The following WWOX variants were observed in gnomAD, a reference collection of about 807,000 sequenced individuals.
WWOX encodes WW domain-containing oxidoreductase.
In WWOX, 69 loss-of-function variants were observed where a neutral mutation model predicts 46.2. The observed-to-expected ratio is 1.49, with a 90% confidence interval of 1.23 to 1.82. The LOEUF (loss-of-function observed/expected upper bound fraction) is 1.82, where lower values mean the gene tolerates loss of function less well. Ranked by LOEUF, WWOX falls within the 40% of genes most tolerant of loss-of-function variation. The pLI is 0.00. For missense variants in WWOX, 919 were observed against 542.6 expected, an observed-to-expected ratio of 1.69 and a Z score of -6.89; for synonymous variants, 359 against 202.6, an observed-to-expected ratio of 1.77 and a Z score of -6.56.
intron 8 of WWOX, among the ~76,000 whole-genome samples, chr16:78,968,059 C>T (rs1177977969): frequency 1.3e-5 from 2 of 152,050 alleles, no homozygotes; most frequent in Non-Finnish European, 2.9e-5. Context: ...CTGCATGGCA[C>T]AGTGTGTGGT....
chr16:79,001,965 A>G (rs1309460762), intron 8 of WWOX, among the ~76,000 whole-genome samples: 1 of 152,170 alleles, frequency 6.6e-6, no homozygotes, highest in Non-Finnish European at 1.5e-5. Flanking sequence ...CTTTTATTAA[A>G]TAGAAGAAAA....
At chr16:78,649,285 T>G (rs1249187750) in intron 8 of WWOX, among the ~76,000 whole-genome samples, 1 of 150,602 alleles carries the variant, frequency 6.6e-6, no homozygotes, top group Non-Finnish European at 1.5e-5. Context: ...GTGACTGACC[T>G]GTTTTTAATT....
At chr16:78,579,945 G>T (rs958254407) in intron 8 of WWOX, among the ~76,000 whole-genome samples, 4 of 152,192 alleles carry the variant, frequency 2.6e-5, no homozygotes, top group Non-Finnish European at 5.9e-5. Flanking sequence ...TTAAAATGCA[G>T]GTGGCTGTGA....
intron 8 of WWOX, among the ~76,000 whole-genome samples, chr16:78,849,173 A>C (rs1288799863): frequency 6.6e-6 from 1 of 152,202 alleles, no homozygotes; most frequent in Non-Finnish European, 1.5e-5. Context: ...TGTTCTGCCC[A>C]AACATACAAG....
chr16:78,278,834 C>A, intron 5 of WWOX: 1 of 626,694 alleles, frequency 1.6e-6, no homozygotes, highest in Non-Finnish European at 2.7e-6. Flanking sequence ...TGCAGTTATG[C>A]TTTACGACTC....
chr16:78,355,581 T>TCC, intron 5 of WWOX: 2 of 492,152 alleles, frequency 4.1e-6, no homozygotes. Context: ...GAGGATCCCC[T>TCC]GGATCTTAGG....
chr16:79,107,816 CAAATT>C (rs2049340608), intron 8 of WWOX, among the ~76,000 whole-genome samples: 1 of 152,086 alleles, frequency 6.6e-6, no homozygotes, highest in South Asian at 2.1e-4. Context: ...ATTATAATCA[CAAATT>C]AAAATAGCCA....
intron 8 of WWOX, among the ~76,000 whole-genome samples, chr16:78,864,450 G>A (rs1016559892): frequency 1.3e-5 from 2 of 151,732 alleles, no homozygotes; most frequent in African/African-American, 2.4e-5. Flanking sequence ...GTATTTTTTT[G>A]TAGAGGCAAG....
chr16:78,814,349 T>G (rs578119296), intron 8 of WWOX, among the ~76,000 whole-genome samples: 1 of 152,184 alleles, frequency 6.6e-6, no homozygotes, highest in Non-Finnish European at 1.5e-5. Context: ...AAAATGCACT[T>G]TTCTATATTA....
chr16:78,664,187 A>G (rs1468654935), intron 8 of WWOX, among the ~76,000 whole-genome samples: 1 of 152,174 alleles, frequency 6.6e-6, no homozygotes, highest in Non-Finnish European at 1.5e-5. Context: ...GAGATAGAGA[A>G]AACAGGATGG....
At chr16:78,660,928 T>A (rs1462437527) in intron 8 of WWOX, among the ~76,000 whole-genome samples, 1 of 152,228 alleles carries the variant, frequency 6.6e-6, no homozygotes, top group Non-Finnish European at 1.5e-5. Flanking sequence ...CTCCTAATAC[T>A]GCATGACGGA....
intron 8 of WWOX, among the ~76,000 whole-genome samples, chr16:79,088,373 C>A (rs2048891667): frequency 6.6e-6 from 1 of 152,126 alleles, no homozygotes; most frequent in Non-Finnish European, 1.5e-5. Flanking sequence ...TGGAGTTGCT[C>A]CCCTGAGACT....
At chr16:78,501,213 C>CTT (rs1402484318) in intron 8 of WWOX, among the ~76,000 whole-genome samples, 23 of 23,844 alleles carry the variant, frequency 9.6e-4, no homozygotes, top group Non-Finnish European at 2.2e-3. Context: ...TTTTGAAAAA[C>CTT]TTTTTTGGAG....
At chr16:78,831,329 G>A (rs908236473) in intron 8 of WWOX, among the ~76,000 whole-genome samples, 4 of 152,152 alleles carry the variant, frequency 2.6e-5, no homozygotes, top group African/African-American at 9.7e-5. Context: ...AGTAGCCCCT[G>A]ACCAGCCTCC....
intron 8 of WWOX, among the ~76,000 whole-genome samples, chr16:78,736,111 G>A (rs530030794): frequency 1.1e-3 from 171 of 152,294 alleles, no homozygotes; most frequent in African/African-American, 3.9e-3. Context: ...ATGTGTGACA[G>A]GTGAGGAAAA....
At chr16:79,113,431 C>T (rs1055329062) in intron 8 of WWOX, among the ~76,000 whole-genome samples, 4 of 152,234 alleles carry the variant, frequency 2.6e-5, no homozygotes, top group African/African-American at 9.6e-5. Context: ...TCAGGACATT[C>T]ACATCCAGGC....
chr16:78,738,352 T>TA, intron 8 of WWOX, among the ~76,000 whole-genome samples: 2 of 152,294 alleles, frequency 1.3e-5, no homozygotes, highest in South Asian at 4.2e-4. Context: ...TAATTAGGCA[T>TA]AAAATCAATA....
chr16:78,487,971 C>G (rs1287983637), intron 8 of WWOX, among the ~76,000 whole-genome samples: 1 of 152,200 alleles, frequency 6.6e-6, no homozygotes, highest in Non-Finnish European at 1.5e-5. Flanking sequence ...CCACCTTCCC[C>G]AAGCTTCGAA....
intron 4 of WWOX, chr16:78,124,361 T>C (rs535466989): frequency 4.3e-4 from 66 of 152,304 alleles, no homozygotes; most frequent in African/African-American, 1.5e-3. Context: ...TATTATAGAC[T>C]TCATAATAAA....
Sources: allele counts gnomAD v4.1 joint callset (sites outside exome capture counted in the v4.1 genomes callset), GRCh38; gene constraint gnomAD v4.1.1; transcripts MANE v1.5; gene names NCBI Gene and HGNC (gene_info 2026-07-23, HGNC 2026-07-21).